Variants in EXOSC7 observed in about 807,000 individuals in gnomAD.
EXOSC7 encodes the protein exosome component 7.
In EXOSC7, 25 loss-of-function variants were observed where a neutral mutation model predicts 34.3. The observed-to-expected ratio is 0.73, with a 90% CI of 0.53 to 1.02. EXOSC7 has a LOEUF of 1.02. Among genes scored for constraint, EXOSC7 ranks in the 50% least tolerant of loss-of-function variants. The pLI is 0.00. For synonymous variants in EXOSC7, 130 were observed against 143.0 expected (o/e 0.91, Z 0.65); for missense variants, 370 against 368.5 (o/e 1.00, Z -0.03).
Position 44,996,634 on chromosome 3 carries a change from G to A in EXOSC7, c.255-453G>A, listed in dbSNP as rs576430450. Among the ~76,000 whole-genome samples, 206 of 152,302 alleles carry A rather than the reference G, an allele frequency of 1.4e-3. 1 individual carries two copies. Among genetic ancestry groups the A allele is most frequent in the African/African-American group, 4.7e-3 (195 of 41,556 alleles). On this transcript the variant is annotated intron_variant, in intron 3 of 7. Coordinates refer to ENST00000265564, the MANE Select transcript of EXOSC7 (RefSeq NM_015004.4). ...TGGTTTTTATATTGAGAGTATCGTA[G>A]TGTGTTCTAAAGCTGTGAAACTAGA...
In EXOSC7 at chr3:44,997,338, C is replaced by T. The variant is rs918814147; in HGVS notation, c.420+86C>T. The T allele has an allele frequency of 2.3e-5, 30 of 1,281,194 alleles. No individual in the cohort carries two copies. In the Admixed American group the frequency reaches 4.7e-4, roughly 20 times the overall value. 79.4% of individuals were successfully genotyped at this position (1,281,194 alleles called of 1,614,324 possible). A position where few individuals can be genotyped will look rare whatever the true frequency, so the allele number is the denominator to read the frequency against. ...ATTTTCCTTCCAGTGCTTTTTTCCT[C>T]TTCAGGTGGATGCTTTCAACTTATA... is the stretch of plus-strand genomic sequence containing the variant. On this transcript the variant is annotated intron_variant, in intron 4 of 7. Coordinates refer to ENST00000265564, the MANE Select transcript of EXOSC7 (RefSeq NM_015004.4).
At chr3:45,009,806 A>G (rs1707156528) in intron 7 of EXOSC7, among the ~76,000 whole-genome samples, 2 of 152,106 alleles carry the variant, frequency 1.3e-5, no homozygotes, top group South Asian at 4.1e-4. Flanking sequence ...TCAGCCTCCC[A>G]AAGTGTTGAG....
intron 3 of EXOSC7, among the ~76,000 whole-genome samples, chr3:44,992,555 GCACTGACCCTGAGCCCTGTT>G (rs1706602467): frequency 1.3e-5 from 2 of 152,200 alleles, no homozygotes. Flanking sequence ...AAAGACTGCT[GCACTGACCCTGAGCCCTGTT>G]CCAGAGATGC....
At chr3:44,990,715 C>T (rs1706546066) in intron 3 of EXOSC7, among the ~76,000 whole-genome samples, 14 of 152,206 alleles carry the variant, frequency 9.2e-5, no homozygotes, top group Admixed American at 8.5e-4. Context: ...GAGCTGGTCA[C>T]ATAGACACTC....
chr3:45,012,178 T>C (rs1697302093), downstream of EXOSC7: 1 of 151,810 alleles, frequency 6.6e-6, no homozygotes, highest in Non-Finnish European at 1.5e-5. Context: ...TGTTTTTTTT[T>C]CTAGGGGAAC....
At chr3:45,005,506 T>C (rs1707010533) in intron 6 of EXOSC7, 92 bp downstream of exon 6, 1 of 1,314,418 alleles carries the variant, frequency 7.6e-7, no homozygotes, top group Non-Finnish European at 1.1e-6. Flanking sequence ...AGTTAAGAAG[T>C]TGTAATACCA....
chr3:44,979,065 G>A lies in EXOSC7; in HGVS notation c.57+2731G>A, dbSNP rs568453630. On this transcript the variant is annotated intron_variant, in intron 1 of 7. Coordinates refer to ENST00000265564, the MANE Select transcript of EXOSC7 (RefSeq NM_015004.4). ...AATGCTCAGCTCTGTGTATCACAGA[G>A]CCATGCAGAGTAATGGGCTTCAAAT... is the stretch of plus-strand genomic sequence containing the variant. Among the ~76,000 whole-genome samples the A allele has an allele frequency of 5.9e-5, 9 of 152,322 alleles. No homozygotes were observed. In the South Asian group the frequency reaches 1.9e-3, roughly 32 times the overall value.
At chr3:45,004,821 T>A (rs1439739760) in intron 5 of EXOSC7, 1 of 152,592 alleles carries the variant, frequency 6.6e-6, no homozygotes, top group African/African-American at 2.4e-5. Context: ...CCCCAGATTA[T>A]ATTTTTAGTT....
rs757529780 is a variant in EXOSC7 at position 45,007,406 on chromosome 3, C to A, written c.616-14C>A. On this transcript the variant is annotated splice_polypyrimidine_tract_variant and intron_variant, in intron 6 of 7. Transcript: ENST00000265564. ...TGCGTGACCCACCGTGTGCCACGCA[C>A]CCTGCCTTTGCAGATTGGCTATCGG... is the stretch of plus-strand genomic sequence containing the variant. 6.2e-7 allele frequency: 1 copy of A among 1,613,720 alleles called. No individual in the cohort carries two copies.
At chr3:44,987,778 A>T (rs1393151618) in intron 1 of EXOSC7, among the ~76,000 whole-genome samples, 1 of 152,232 alleles carries the variant, frequency 6.6e-6, no homozygotes, top group Non-Finnish European at 1.5e-5. Flanking sequence ...AACTGTGTAT[A>T]CTAAGATTGA....
chr3:45,001,476 A>C, intron 4 of EXOSC7, 62 bp from the exon 5 acceptor site: 1 of 1,216,012 alleles, frequency 8.2e-7, no homozygotes, highest in South Asian at 1.2e-5. Context: ...TAACTGGGGT[A>C]ATACCTAAAG....
intron 3 of EXOSC7, among the ~76,000 whole-genome samples, chr3:44,991,487 T>C (rs1365436848): frequency 6.6e-6 from 1 of 152,220 alleles, no homozygotes; most frequent in Non-Finnish European, 1.5e-5. Flanking sequence ...TTGCTTTCTT[T>C]TTCATCTCCT....
chr3:44,978,537 G>A (rs1258569722), intron 1 of EXOSC7, among the ~76,000 whole-genome samples: 3 of 152,166 alleles, frequency 2.0e-5, no homozygotes, highest in Non-Finnish European at 4.4e-5. Flanking sequence ...ATGTACTTGA[G>A]TGTTTATATA....
chr3:45,003,336 TGC>T (rs1559750237), intron 5 of EXOSC7, among the ~76,000 whole-genome samples: 7 of 86,098 alleles, frequency 8.1e-5, no homozygotes, highest in African/African-American at 1.2e-4. Context: ...TGTGCGTGCG[TGC>T]GTGCGTGCGT....
chr3:44,981,614 A>C (rs543272125), intron 1 of EXOSC7, among the ~76,000 whole-genome samples: 35 of 152,002 alleles, frequency 2.3e-4, no homozygotes, highest in Admixed American at 8.0e-4. Context: ...GGGATTTTTC[A>C]ATTATCTCAA....
intron 3 of EXOSC7, among the ~76,000 whole-genome samples, chr3:44,993,594 AG>A (rs1706629520): frequency 1.3e-5 from 2 of 151,912 alleles, no homozygotes; most frequent in South Asian, 4.2e-4. Flanking sequence ...GAGAGCTGGG[AG>A]GGGTAGCATT....
chr3:44,997,675 T>C (rs1706759655), intron 4 of EXOSC7, among the ~76,000 whole-genome samples: 2 of 152,256 alleles, frequency 1.3e-5, no homozygotes, highest in African/African-American at 4.8e-5. Flanking sequence ...CACTGTTATA[T>C]TTCCCATTTA....
intron 5 of EXOSC7, 81 bp downstream of exon 5, chr3:45,001,689 A>G (rs1028773758): frequency 5.2e-6 from 5 of 968,512 alleles, no homozygotes; most frequent in Non-Finnish European, 8.4e-6. Flanking sequence ...GGAAATTTCT[A>G]TTGTAGCTCA....
chr3:44,999,659 A>C (rs1706821296), intron 4 of EXOSC7, among the ~76,000 whole-genome samples: 1 of 152,194 alleles, frequency 6.6e-6, no homozygotes, highest in African/African-American at 2.4e-5. Flanking sequence ...ACTGCACTCC[A>C]TCCTGGGCAA....
Sources: gnomAD v4.1 joint callset for allele counts (sites outside exome capture counted in the v4.1 genomes callset) on GRCh38, gnomAD v4.1.1 for gene constraint, MANE v1.5 for transcripts, NCBI Gene and HGNC (gene_info 2026-07-23, HGNC 2026-07-21) for gene names.